The following IL10RB variants were observed in gnomAD, a reference collection of about 807,000 sequenced individuals.
The protein encoded by IL10RB is interleukin-10 receptor subunit beta.
Under a neutral mutation model 38.7 loss-of-function variants are expected in IL10RB, and 30 were observed. That is an observed-to-expected ratio of 0.78 (90% CI 0.58 to 1.05). The LOEUF (loss-of-function observed/expected upper bound fraction) is 1.05. Among genes scored for constraint, IL10RB ranks in the 50% least tolerant of loss-of-function variants. The probability of loss-of-function intolerance (pLI) is 0.00; values close to 1 mark genes in which losing one functional copy is unlikely to be tolerated. For synonymous variants in IL10RB, 142 were observed against 145.9 expected, an observed-to-expected ratio of 0.97 and a Z score of 0.19; for missense variants, 328 against 397.1, an observed-to-expected ratio of 0.83 and a Z score of 1.48.
chr21:33,295,002 A>C (rs575210266), intron 6 of IL10RB, among the ~76,000 whole-genome samples: 2 of 152,258 alleles, frequency 1.3e-5, no homozygotes, highest in African/African-American at 4.8e-5. Context: ...GTGAGAAGGC[A>C]GCTCTGTCTG....
intron 2 of IL10RB, among the ~76,000 whole-genome samples, chr21:33,270,082 T>C (rs376816629): frequency 5.3e-5 from 8 of 152,364 alleles, no homozygotes; most frequent in Admixed American, 3.9e-4. Flanking sequence ...CATCACATAG[T>C]ACAGTGAGAA....
chr21:33,294,321 G>A (rs1225647022), intron 6 of IL10RB, among the ~76,000 whole-genome samples: 1 of 152,006 alleles, frequency 6.6e-6, no homozygotes, highest in Non-Finnish European at 1.5e-5. Flanking sequence ...AGTTAAAAAA[G>A]CACTAGGGAG....
intron 2 of IL10RB, among the ~76,000 whole-genome samples, chr21:33,275,033 T>TG (rs1989144198): frequency 1.3e-5 from 2 of 152,304 alleles, no homozygotes; most frequent in East Asian, 3.9e-4. Flanking sequence ...CTAGATCTTC[T>TG]GGATAACTTG....
At chr21:33,292,825 C>T (rs1195851990) in intron 6 of IL10RB, among the ~76,000 whole-genome samples, 4 of 152,190 alleles carry the variant, frequency 2.6e-5, no homozygotes, top group African/African-American at 2.4e-5. Context: ...ATTCACAGGC[C>T]GTCCCTGGTG....
At chr21:33,277,596 T>C (rs867122759) in intron 3 of IL10RB, among the ~76,000 whole-genome samples, 4 of 151,270 alleles carry the variant, frequency 2.6e-5, no homozygotes, top group Admixed American at 6.6e-5. Context: ...ACGTCTATGA[T>C]CCCAACACTT....
chr21:33,268,573 G>T, intron 2 of IL10RB, 56 bp downstream of exon 2: 1 of 1,287,358 alleles, frequency 7.8e-7, no homozygotes, highest in Non-Finnish European at 1.1e-6. Flanking sequence ...CCCTGGGCTG[G>T]TCACTGGGTT....
intron 6 of IL10RB, among the ~76,000 whole-genome samples, chr21:33,295,002 A>G (rs575210266): frequency 5.5e-4 from 84 of 152,376 alleles, no homozygotes; most frequent in African/African-American, 1.7e-3. Context: ...GTGAGAAGGC[A>G]GCTCTGTCTG....
intron 1 of IL10RB, 86 bp downstream of exon 1, chr21:33,266,600 C>A: frequency 7.2e-7 from 1 of 1,387,804 alleles, no homozygotes; most frequent in Non-Finnish European, 9.9e-7. Context: ...GGGCGCCCTG[C>A]AAGTGACTTA....
At chr21:33,282,706 G>C (rs1477320184) in intron 4 of IL10RB, among the ~76,000 whole-genome samples, 1 of 151,946 alleles carries the variant, frequency 6.6e-6, no homozygotes, top group Non-Finnish European at 1.5e-5. Context: ...GCGCCACCAC[G>C]CCCGGCTAAT....
intron 1 of IL10RB, among the ~76,000 whole-genome samples, chr21:33,306,237 A>C (rs2082998686): frequency 6.6e-6 from 1 of 152,202 alleles, no homozygotes; most frequent in African/African-American, 2.4e-5. Flanking sequence ...CCAGGGAAGC[A>C]ATATGAGAAA....
intron 5 of IL10RB, 76 bp downstream of exon 5, chr21:33,283,317 A>C (rs905912385): frequency 1.5e-5 from 22 of 1,424,338 alleles, no homozygotes; most frequent in Non-Finnish European, 2.2e-5. Context: ...GATTGCATCC[A>C]ACTCAAATTC....
chr21:33,272,792 C>T (rs1989104814), intron 2 of IL10RB, among the ~76,000 whole-genome samples: 1 of 152,184 alleles, frequency 6.6e-6, no homozygotes, highest in African/African-American at 2.4e-5. Context: ...CCTTTGATCA[C>T]GTGGAGCCAA....
intron 1 of IL10RB, among the ~76,000 whole-genome samples, chr21:33,305,544 G>A (rs1332897724): frequency 2.6e-5 from 4 of 152,192 alleles, no homozygotes; most frequent in African/African-American, 9.6e-5. Flanking sequence ...ACTGAGAAAG[G>A]CATAATGAAG....
intron 4 of IL10RB, among the ~76,000 whole-genome samples, chr21:33,282,808 C>T (rs1486845607): frequency 6.6e-6 from 1 of 152,006 alleles, no homozygotes; most frequent in Admixed American, 6.5e-5. Flanking sequence ...ATTACAGGCA[C>T]GAGCCAACAC....
intron 6 of IL10RB, among the ~76,000 whole-genome samples, chr21:33,289,348 A>C (rs1322339940): frequency 6.6e-6 from 1 of 152,220 alleles, no homozygotes; most frequent in East Asian, 1.9e-4. Context: ...GGAGGGTTAC[A>C]GGAGGAAGAT....
At chr21:33,270,033 T>C (rs1233831270) in intron 2 of IL10RB, among the ~76,000 whole-genome samples, 3 of 152,214 alleles carry the variant, frequency 2.0e-5, no homozygotes, top group African/African-American at 7.2e-5. Context: ...TGCTGTAATA[T>C]TTCACTGTGT....
rs59045794 is a variant in IL10RB, at chr21:33,272,628, G to A, written c.174-3968G>A. Among the ~76,000 whole-genome samples, 112 of 152,088 alleles carry A rather than the reference G, an allele frequency of 7.4e-4. No individual in the cohort carries two copies. In the East Asian group the frequency reaches 0.019, roughly 26 times the overall value. ...TACCCAAATAATTTTTTTATTTTTT[G>A]TAGAGACAAGGACTCACCACGTTGT... On this transcript the variant is annotated intron_variant, in intron 2 of 6. Coordinates refer to ENST00000290200, the MANE Select transcript of IL10RB (RefSeq NM_000628.5).
intron 1 of IL10RB, 138 bp from the exon 2 acceptor site, chr21:33,268,256 C>G: frequency 6.4e-7 from 1 of 1,551,646 alleles, no homozygotes; most frequent in Non-Finnish European, 8.7e-7. Context: ...GCACAGCCAA[C>G]CTGTCTCTCC....
At chr21:33,282,644 G>C (rs1989300594) in intron 4 of IL10RB, among the ~76,000 whole-genome samples, 1 of 152,078 alleles carries the variant, frequency 6.6e-6, no homozygotes, top group African/African-American at 2.4e-5. Flanking sequence ...TGCAGTGTGG[G>C]GTGATCCTGG....
Sources: gnomAD v4.1 joint callset for allele counts (sites outside exome capture counted in the v4.1 genomes callset) on GRCh38, gnomAD v4.1.1 for gene constraint, MANE v1.5 for transcripts, NCBI Gene and HGNC (gene_info 2026-07-23, HGNC 2026-07-21) for gene names.